The following SLC13A1 variants were observed in gnomAD, a reference collection of about 807,000 sequenced individuals.
SLC13A1 encodes the protein Na(+)/sulfate cotransporter.
Under a neutral mutation model 70.0 loss-of-function variants are expected in SLC13A1, and 65 were observed. That is an observed-to-expected ratio of 0.93 (90% CI 0.76 to 1.14). SLC13A1 has a LOEUF of 1.14. Ranked by LOEUF, SLC13A1 falls within the 50% of genes most tolerant of loss-of-function variation. The probability of loss-of-function intolerance (pLI) is 0.00; values close to 1 mark genes in which losing one functional copy is unlikely to be tolerated. For missense variants in SLC13A1, 726 were observed against 717.8 expected, an observed-to-expected ratio of 1.01 and a Z score of -0.13; for synonymous variants, 275 against 250.5, an observed-to-expected ratio of 1.10 and a Z score of -0.92.
chr7:123,167,990 C>G (rs2204290), intron 6 of SLC13A1, among the ~76,000 whole-genome samples: 37,836 of 151,834 alleles, frequency 0.25, 5,049 homozygotes, highest in East Asian at 0.32. Flanking sequence ...ATCAAACCCC[C>G]AAAACATGCA....
intron 6 of SLC13A1, among the ~76,000 whole-genome samples, chr7:123,165,470 G>A (rs532413814): frequency 2.0e-5 from 3 of 152,052 alleles, no homozygotes; most frequent in East Asian, 1.9e-4. Context: ...ACAATCTACC[G>A]CTCCCTAGTT....
Position 123,162,985 on chromosome 7 carries a change from C to T in SLC13A1, c.660+5389G>A, listed in dbSNP as rs1036888636. On this transcript the variant is annotated intron_variant, in intron 6 of 14. Coordinates refer to ENST00000194130, the MANE Select transcript of SLC13A1 (RefSeq NM_022444.4). ...ATTAAAAGTATACTGATTTTCCAAT[C>T]TCTTTCATTTGTAGATGCCTGAAGG... Among the ~76,000 whole-genome samples, 73 of 152,056 alleles carry T rather than the reference C, an allele frequency of 4.8e-4. 1 individual carries two copies. The highest frequency in any genetic ancestry group is 1.7e-3 in the African/African-American group (71 of 41,444).
intron 6 of SLC13A1, among the ~76,000 whole-genome samples, chr7:123,154,352 A>G (rs1794648545): frequency 1.3e-5 from 2 of 152,072 alleles, no homozygotes; most frequent in South Asian, 2.1e-4. Flanking sequence ...AAAATTTCCT[A>G]TGAGGACATG....
chr7:123,181,252 C>A, intron 1 of SLC13A1, 151 bp from the exon 2 acceptor site: 2 of 726,780 alleles, frequency 2.8e-6, no homozygotes, highest in Non-Finnish European at 4.2e-6. Flanking sequence ...CTCAAATACT[C>A]ATTTCTTAGA....
At chr7:123,131,573 TG>T (rs2116325994) in intron 8 of SLC13A1, among the ~76,000 whole-genome samples, 1 of 152,328 alleles carries the variant, frequency 6.6e-6, no homozygotes, top group South Asian at 2.1e-4. Context: ...TCAGGTATGT[TG>T]GGATCATTTA....
At chr7:123,118,577 C>T (rs1793258665) in intron 13 of SLC13A1, among the ~76,000 whole-genome samples, 1 of 152,092 alleles carries the variant, frequency 6.6e-6, no homozygotes, top group African/African-American at 2.4e-5. Context: ...AACCCACTTA[C>T]TTTTTAAAAA....
intron 6 of SLC13A1, among the ~76,000 whole-genome samples, chr7:123,154,191 A>G (rs1794644242): frequency 6.6e-6 from 1 of 152,070 alleles, no homozygotes; most frequent in Non-Finnish European, 1.5e-5. Flanking sequence ...TGCCTTCCAG[A>G]ATACTTTACT....
chr7:123,139,730 T>A (rs781653167), intron 7 of SLC13A1, among the ~76,000 whole-genome samples: 32 of 152,242 alleles, frequency 2.1e-4, no homozygotes, highest in Non-Finnish European at 4.0e-4. Context: ...TGTTGGTATA[T>A]ACAAATGCTA....
At chr7:123,198,968 C>G (rs1796267599) in intron 1 of SLC13A1, among the ~76,000 whole-genome samples, 1 of 152,068 alleles carries the variant, frequency 6.6e-6, no homozygotes, top group Non-Finnish European at 1.5e-5. Context: ...AACAAGCCTG[C>G]TACTATACAC....
chr7:123,143,702 G>A (rs1213315353), intron 7 of SLC13A1, among the ~76,000 whole-genome samples: 1 of 152,138 alleles, frequency 6.6e-6, no homozygotes, highest in Non-Finnish European at 1.5e-5. Flanking sequence ...GTGCTCACCT[G>A]ATTTTTGGTC....
chr7:123,129,342 G>C (rs201876307), intron 9 of SLC13A1, 41 bp downstream of exon 9: 201,964 of 832,392 alleles, frequency 0.24, 21,681 homozygotes, highest in East Asian at 0.33. Context: ...GTGTGTGTGT[G>C]TGTGTGTGTG....
rs987810027 is a variant in SLC13A1 at position 123,145,127 on chromosome 7, G to A, written c.812+2032C>T. Among the ~76,000 whole-genome samples, 24 of 152,120 alleles carry A rather than the reference G, an allele frequency of 1.6e-4. 1 individual carries two copies. The highest frequency in any genetic ancestry group is 7.2e-4 in the Admixed American group (11 of 15,270). On this transcript the variant is annotated intron_variant, in intron 7 of 14. Coordinates refer to ENST00000194130, the MANE Select transcript of SLC13A1 (RefSeq NM_022444.4). ...CAGCCATGGCAAAAGTAGAGCAGTG[G>A]CAATAACAACAGCTAACATTATTGA...
chr7:123,128,423 A>G (rs763599834), intron 10 of SLC13A1, among the ~76,000 whole-genome samples: 2 of 152,122 alleles, frequency 1.3e-5, no homozygotes, highest in Non-Finnish European at 2.9e-5. Flanking sequence ...CATCTTACAG[A>G]TGAAGACCCT....
Position 123,115,465 on chromosome 7 carries a change from A to G in SLC13A1, c.*53T>C, listed in dbSNP as rs192928856. 4 of 1,570,746 alleles carry G rather than the reference A, an allele frequency of 2.5e-6. No homozygotes were observed. The African/African-American group carries it at 4.0e-5, about 16-fold the overall frequency. On this transcript the variant is annotated 3_prime_UTR_variant, in exon 15 of 15. Coordinates refer to ENST00000194130, the MANE Select transcript of SLC13A1 (RefSeq NM_022444.4). ...TATTTAGAGCCACATTTTACAGTCAATCATTAATGTCTTCCAGAAATTACC... is the reference window on the plus strand; with the variant it reads ...TATTTAGAGCCACATTTTACAGTCAGTCATTAATGTCTTCCAGAAATTACC...
intron 6 of SLC13A1, among the ~76,000 whole-genome samples, chr7:123,158,587 A>T (rs2116483242): frequency 6.6e-6 from 1 of 152,104 alleles, no homozygotes; most frequent in East Asian, 1.9e-4. Flanking sequence ...GTTGGGAAAG[A>T]TCAATACACA....
In SLC13A1 at chr7:123,139,470, C is replaced by T. The variant is rs549350001; in HGVS notation, c.813-4941G>A. Among the ~76,000 whole-genome samples, 9 of 151,752 alleles carry T rather than the reference C, an allele frequency of 5.9e-5. No individual in the cohort carries two copies. In the South Asian group the frequency reaches 1.2e-3, roughly 21 times the overall value. ...CTGTGAAGAATGTCATTGGCATTGT[C>T]ACAGGGATTGCCTTGAATCTGTAGA... On this transcript the variant is annotated intron_variant, in intron 7 of 14. Coordinates refer to ENST00000194130, the MANE Select transcript of SLC13A1 (RefSeq NM_022444.4).
intron 11 of SLC13A1, among the ~76,000 whole-genome samples, chr7:123,124,274 A>AAC (rs1793484483): frequency 6.6e-6 from 1 of 152,168 alleles, no homozygotes; most frequent in Non-Finnish European, 1.5e-5. Flanking sequence ...ATTCCTCAGT[A>AAC]CTTGCCACTG....
At chr7:123,142,886 G>A (rs1218606547) in intron 7 of SLC13A1, among the ~76,000 whole-genome samples, 3 of 151,914 alleles carry the variant, frequency 2.0e-5, no homozygotes, top group Admixed American at 2.0e-4. Context: ...CAAAGTGCTG[G>A]GATTACAGTC....
chr7:123,118,624 T>C (rs1793259441), intron 13 of SLC13A1, among the ~76,000 whole-genome samples: 1 of 152,174 alleles, frequency 6.6e-6, no homozygotes, highest in Admixed American at 6.6e-5. Context: ...CTAAGATATT[T>C]AAGCCTCAAG....
Sources: allele counts gnomAD v4.1 joint callset (sites outside exome capture counted in the v4.1 genomes callset), GRCh38; gene constraint gnomAD v4.1.1; transcripts MANE v1.5; gene names NCBI Gene and HGNC (gene_info 2026-07-23, HGNC 2026-07-21).